EYS: variants seen among roughly 807,000 people sequenced by gnomAD.
EYS encodes EGF-like photoreceptor maintenance factor, also known as protein eyes shut homolog.
In EYS, 250 loss-of-function variants were observed where a neutral mutation model predicts 282.1. The observed-to-expected ratio is 0.89, with a 90% CI of 0.80 to 0.98. EYS has a LOEUF of 0.98. EYS is among the 50% of genes least tolerant of loss of function. The probability of loss-of-function intolerance (pLI) is 0.00; values close to 1 mark genes in which losing one functional copy is unlikely to be tolerated. For missense variants in EYS, 4,016 were observed against 3,709.0 expected, an observed-to-expected ratio of 1.08 and a Z score of -2.15; for synonymous variants, 1,355 against 1,282.9, an observed-to-expected ratio of 1.06 and a Z score of -1.20.
intron 19 of EYS, among the ~76,000 whole-genome samples, chr6:64,843,914 G>T (rs770337798): frequency 6.6e-6 from 1 of 152,086 alleles, no homozygotes. Flanking sequence ...GGAGGGACCC[G>T]GTGGGAGATA....
At chr6:64,809,574 C>T (rs1243581602) in intron 22 of EYS, among the ~76,000 whole-genome samples, 1 of 151,938 alleles carries the variant, frequency 6.6e-6, no homozygotes, top group Non-Finnish European at 1.5e-5. Context: ...ACCTACATGC[C>T]CATCAACAGC....
At chr6:65,464,536 A>T (rs967304147) in intron 5 of EYS, among the ~76,000 whole-genome samples, 3 of 152,188 alleles carry the variant, frequency 2.0e-5, no homozygotes, top group African/African-American at 4.8e-5. Flanking sequence ...TAATCAATAT[A>T]CAAATATTTT....
chr6:65,015,319 G>C (rs1255643640), intron 13 of EYS, among the ~76,000 whole-genome samples: 1 of 152,206 alleles, frequency 6.6e-6, no homozygotes, highest in Non-Finnish European at 1.5e-5. Context: ...TAATGTGTTA[G>C]TTATCACGCT....
intron 11 of EYS, among the ~76,000 whole-genome samples, chr6:65,325,498 G>A (rs1321853317): frequency 6.6e-6 from 1 of 152,022 alleles, no homozygotes; most frequent in Non-Finnish European, 1.5e-5. Context: ...ATAAGTGATG[G>A]CAGGAGGATT....
chr6:64,845,186 G>C (rs1765681311), intron 19 of EYS, among the ~76,000 whole-genome samples: 1 of 152,040 alleles, frequency 6.6e-6, no homozygotes, highest in South Asian at 2.1e-4. Flanking sequence ...AGCTACTCAG[G>C]AAGCTGAGGT....
chr6:63,885,763 C>G (rs1336149964), intron 35 of EYS, among the ~76,000 whole-genome samples: 1 of 152,108 alleles, frequency 6.6e-6, no homozygotes, highest in African/African-American at 2.4e-5. Flanking sequence ...AGATTTTTAG[C>G]TCTCCATAAT....
intron 31 of EYS, among the ~76,000 whole-genome samples, chr6:64,127,837 T>A (rs142814174): frequency 0.011 from 1,663 of 152,270 alleles, 25 homozygotes; most frequent in African/African-American, 0.038. Context: ...ATGGAGGTGC[T>A]TATTTTCCAT....
intron 29 of EYS, among the ~76,000 whole-genome samples, chr6:64,328,055 G>T (rs147552661): frequency 3.7e-4 from 56 of 152,320 alleles, no homozygotes; most frequent in African/African-American, 1.1e-3. Flanking sequence ...GTCCAAGGGG[G>T]AGAATGGCTC....
At chr6:64,714,715 A>G (rs1240235148) in intron 22 of EYS, among the ~76,000 whole-genome samples, 1 of 151,500 alleles carries the variant, frequency 6.6e-6, no homozygotes, top group Admixed American at 6.6e-5. Flanking sequence ...TTTAGTAGAG[A>G]CGGGGTTTCA....
chr6:65,458,550 G>A (rs1293174495), intron 5 of EYS, among the ~76,000 whole-genome samples: 2 of 152,000 alleles, frequency 1.3e-5, no homozygotes, highest in African/African-American at 4.8e-5. Context: ...AGAACTTCAG[G>A]ACTAATTTTC....
At chr6:64,545,260 C>A (rs528906845) in intron 26 of EYS, among the ~76,000 whole-genome samples, 1 of 152,054 alleles carries the variant, frequency 6.6e-6, no homozygotes, top group African/African-American at 2.4e-5. Context: ...ACAGAACCAA[C>A]GACAAAAACC....
intron 24 of EYS, among the ~76,000 whole-genome samples, chr6:64,603,860 C>CATGT (rs1380323953): frequency 3.0e-5 from 3 of 98,434 alleles, no homozygotes; most frequent in Non-Finnish European, 4.3e-5. Flanking sequence ...TAAATGAATA[C>CATGT]CTGTGTGTGT....
chr6:65,415,717 G>A (rs1231787565), intron 5 of EYS, among the ~76,000 whole-genome samples: 2 of 152,028 alleles, frequency 1.3e-5, no homozygotes, highest in South Asian at 2.1e-4. Context: ...TGTTTCTGCT[G>A]TTTACTAAAA....
intron 2 of EYS, among the ~76,000 whole-genome samples, chr6:65,639,059 A>T (rs1327817105): frequency 6.6e-6 from 1 of 152,208 alleles, no homozygotes; most frequent in East Asian, 1.9e-4. Flanking sequence ...ATTGAAATGG[A>T]GATTGGCAGG....
chr6:65,548,074 G>A (rs1411840), intron 2 of EYS, among the ~76,000 whole-genome samples: 32,035 of 151,962 alleles, frequency 0.21, 3,721 homozygotes, highest in East Asian at 0.31. Flanking sequence ...CCTGAACTTT[G>A]ACCCACACTT....
At chr6:63,832,709 C>A (rs1366391607) in intron 36 of EYS, among the ~76,000 whole-genome samples, 1 of 152,198 alleles carries the variant, frequency 6.6e-6, no homozygotes, top group Non-Finnish European at 1.5e-5. Flanking sequence ...CTCCCTAACT[C>A]ATTTCATGAG....
intron 14 of EYS, among the ~76,000 whole-genome samples, chr6:64,961,592 AAGCTAGG>A (rs1402609101): frequency 2.7e-4 from 41 of 152,100 alleles, no homozygotes; most frequent in African/African-American, 9.4e-4. Context: ...AGTCATTTAT[AAGCTAGG>A]AATAATGTTT....
chr6:64,901,503 C>CA (rs1312788203), intron 18 of EYS, among the ~76,000 whole-genome samples: 2 of 151,594 alleles, frequency 1.3e-5, no homozygotes, highest in Non-Finnish European at 2.9e-5. Context: ...GCTAATAATA[C>CA]AAAAATTGTA....
At chr6:64,635,764 G>T (rs1012918218) in intron 22 of EYS, among the ~76,000 whole-genome samples, 1 of 152,166 alleles carries the variant, frequency 6.6e-6, no homozygotes, top group Non-Finnish European at 1.5e-5. Context: ...TGTTCATCAA[G>T]GATATTGGTC....
Sources: gnomAD v4.1 joint callset for allele counts (sites outside exome capture counted in the v4.1 genomes callset) on GRCh38, gnomAD v4.1.1 for gene constraint, MANE v1.5 for transcripts, NCBI Gene and HGNC (gene_info 2026-07-23, HGNC 2026-07-21) for gene names.